ADGRB3: variants seen among roughly 807,000 people sequenced by gnomAD.
ADGRB3 encodes the protein brain-specific angiogenesis inhibitor 3.
A neutral mutation model predicts 193.4 loss-of-function variants in ADGRB3; 37 were observed. That is an observed-to-expected ratio of 0.19 (90% CI 0.15 to 0.25). The LOEUF is 0.25. Ranked by LOEUF, ADGRB3 falls within the 10% of genes least tolerant of loss-of-function variation. The probability of loss-of-function intolerance (pLI) is 1.00; values close to 1 mark genes in which losing one functional copy is unlikely to be tolerated. For missense variants in ADGRB3, 1,637 were observed against 1,852.9 expected, an observed-to-expected ratio of 0.88 and a Z score of 2.14; for synonymous variants, 690 against 644.2, an observed-to-expected ratio of 1.07 and a Z score of -1.08.
intron 8 of ADGRB3, among the ~76,000 whole-genome samples, chr6:68,970,304 A>T (rs936316269): frequency 4.8e-5 from 7 of 145,746 alleles, no homozygotes; most frequent in South Asian, 2.2e-4. Flanking sequence ...TTTTTTTTTT[A>T]AATGGAATCT....
At chr6:69,353,998 G>A (rs1182530194) in intron 26 of ADGRB3, among the ~76,000 whole-genome samples, 1 of 152,172 alleles carries the variant, frequency 6.6e-6, no homozygotes, top group Non-Finnish European at 1.5e-5. Flanking sequence ...GGGAAGCGGA[G>A]GTTGCAGTGA....
chr6:68,940,729 T>C (rs960857947), intron 5 of ADGRB3, among the ~76,000 whole-genome samples: 3 of 151,648 alleles, frequency 2.0e-5, no homozygotes, highest in Non-Finnish European at 4.4e-5. Flanking sequence ...CCGTCTCCAG[T>C]AAAAATACAA....
rs1769444292 is a variant in ADGRB3 at position 69,361,234 on chromosome 6, T to A, written c.3961T>A (p.Ser1321Thr). 1.2e-6 allele frequency: 2 copies of A among 1,612,660 alleles called. No individual in the cohort carries two copies. The highest frequency in any genetic ancestry group is 1.1e-5 in the South Asian group (1 of 91,064). ...CAGAAGTTCTGTAAATAACCAGCCTTCAATGAAAGAAGAAAGCAAAATGAA... is the reference window on the plus strand; with the variant it reads ...CAGAAGTTCTGTAAATAACCAGCCTACAATGAAAGAAGAAAGCAAAATGAA... ...MPRSSVNNQP[S>T]MKEESKMNIG... Residue 1321 changes from serine (S) to threonine (T), a missense_variant, in exon 29 of 32, where the codon TCA becomes ACA. This residue lies in a region of ADGRB3 where 368 missense variants were observed against 367.4 expected (regional missense o/e 1.00). Transcript: ENST00000370598.
At chr6:69,211,486 T>C (rs1765666103) in intron 17 of ADGRB3, among the ~76,000 whole-genome samples, 1 of 152,104 alleles carries the variant, frequency 6.6e-6, no homozygotes, top group South Asian at 2.1e-4. Flanking sequence ...TCTAAAAAAG[T>C]TCCTGTATTA....
chr6:69,029,543 A>T (rs991983824), intron 13 of ADGRB3, among the ~76,000 whole-genome samples: 6 of 152,242 alleles, frequency 3.9e-5, no homozygotes, highest in African/African-American at 1.2e-4. Context: ...TTGCAAACGT[A>T]TGATATATAG....
chr6:69,173,906 G>A (rs867700707), intron 17 of ADGRB3, among the ~76,000 whole-genome samples: 1 of 152,292 alleles, frequency 6.6e-6, no homozygotes, highest in East Asian at 1.9e-4. Context: ...AAGTAATGGA[G>A]AACATGCAGG....
At chr6:68,977,118 T>C (rs1768774245) in intron 10 of ADGRB3, among the ~76,000 whole-genome samples, 1 of 149,962 alleles carries the variant, frequency 6.7e-6, no homozygotes, top group Admixed American at 6.7e-5. Context: ...TTATAGTCTT[T>C]TTTTGTTTCT....
chr6:69,312,476 CT>C (rs915637284), intron 20 of ADGRB3, among the ~76,000 whole-genome samples: 2 of 151,562 alleles, frequency 1.3e-5, no homozygotes, highest in Non-Finnish European at 3.0e-5. Context: ...TTGATTGGTA[CT>C]TTTTTATAGA....
chr6:69,156,712 A>C (rs1295756698), intron 17 of ADGRB3, among the ~76,000 whole-genome samples: 1 of 152,226 alleles, frequency 6.6e-6, no homozygotes, highest in African/African-American at 2.4e-5. Flanking sequence ...ACAAGAATGA[A>C]AACAGAAAAT....
intron 3 of ADGRB3, among the ~76,000 whole-genome samples, chr6:68,674,969 G>T (rs1393768848): frequency 6.6e-6 from 1 of 152,068 alleles, no homozygotes; most frequent in African/African-American, 2.4e-5. Flanking sequence ...AGATAGGGAA[G>T]TTAAAGATTA....
At chr6:69,020,167 G>C (rs984514668) in intron 13 of ADGRB3, among the ~76,000 whole-genome samples, 10 of 151,996 alleles carry the variant, frequency 6.6e-5, no homozygotes, top group South Asian at 2.1e-4. Context: ...TCTTCTTCTT[G>C]TTGTAAATGT....
chr6:68,727,767 A>G (rs1765699924), intron 3 of ADGRB3, among the ~76,000 whole-genome samples: 1 of 151,554 alleles, frequency 6.6e-6, no homozygotes, highest in Non-Finnish European at 1.5e-5. Context: ...TCCAAATTTC[A>G]TATGAAAAAC....
chr6:69,183,018 G>A (rs944259500), intron 17 of ADGRB3, among the ~76,000 whole-genome samples: 18 of 151,872 alleles, frequency 1.2e-4, no homozygotes, highest in African/African-American at 3.9e-4. Flanking sequence ...TTAAAATATG[G>A]CACTACTGTC....
chr6:69,211,578 T>C lies in ADGRB3; in HGVS notation c.2481-21712T>C, dbSNP rs555554754. On this transcript the variant is annotated intron_variant, in intron 17 of 31. Transcript: ENST00000370598. ...AACAACTGAGCTTAAAGAGGCCAAC[T>C]CTAACAAGTAGAAGCCCTGGACCTT... Among the ~76,000 whole-genome samples, 3 of 152,286 alleles carry C rather than the reference T, an allele frequency of 2.0e-5. No individual in the cohort carries two copies. In the South Asian group the frequency reaches 6.2e-4, roughly 32 times the overall value.
chr6:68,767,129 A>G (rs1766525242), intron 3 of ADGRB3, among the ~76,000 whole-genome samples: 1 of 152,090 alleles, frequency 6.6e-6, no homozygotes, highest in South Asian at 2.1e-4. Context: ...GTATATTTCT[A>G]GAGGTATAAA....
intron 17 of ADGRB3, among the ~76,000 whole-genome samples, chr6:69,077,715 C>G (rs1036971698): frequency 6.6e-6 from 1 of 151,944 alleles, no homozygotes; most frequent in Non-Finnish European, 1.5e-5. Context: ...TTATCTGTCA[C>G]GAAGAATGTC....
chr6:68,853,042 G>A (rs1348561590), intron 3 of ADGRB3, among the ~76,000 whole-genome samples: 1 of 151,970 alleles, frequency 6.6e-6, no homozygotes, highest in Non-Finnish European at 1.5e-5. Flanking sequence ...ACCAAGGTCA[G>A]CATTTAATTT....
intron 3 of ADGRB3, among the ~76,000 whole-genome samples, chr6:68,901,208 T>C (rs184269759): frequency 6.6e-6 from 1 of 152,186 alleles, no homozygotes; most frequent in East Asian, 1.9e-4. Flanking sequence ...TTGGCCAGAA[T>C]ATGGTCTTAT....
At chr6:68,953,542 A>C (rs992393495) in intron 6 of ADGRB3, among the ~76,000 whole-genome samples, 2 of 152,204 alleles carry the variant, frequency 1.3e-5, no homozygotes, top group East Asian at 1.9e-4. Context: ...ACTCATGTTT[A>C]AAGCCAAAAT....
Sources: allele counts gnomAD v4.1 joint callset (sites outside exome capture counted in the v4.1 genomes callset), GRCh38; gene constraint gnomAD v4.1.1; regional missense constraint gnomAD v4.1.1; transcripts MANE v1.5; gene names NCBI Gene and HGNC (gene_info 2026-07-23, HGNC 2026-07-21).